The following RBFOX1 variants were observed in gnomAD, a reference collection of about 807,000 sequenced individuals.
RBFOX1 encodes the protein RNA binding protein fox-1 homolog 1.
Under a neutral mutation model 57.7 loss-of-function variants are expected in RBFOX1, and 8 were observed. The observed-to-expected ratio is 0.14, with a 90% CI of 0.08 to 0.25. The LOEUF (loss-of-function observed/expected upper bound fraction) is 0.25, where lower values mean the gene tolerates loss of function less well. Ranked by LOEUF, RBFOX1 falls within the 10% of genes least tolerant of loss-of-function variation. The pLI is 1.00. For synonymous variants in RBFOX1, 326 were observed against 222.4 expected, an observed-to-expected ratio of 1.47 and a Z score of -4.15; for missense variants, 611 against 548.5, an observed-to-expected ratio of 1.11 and a Z score of -1.14.
chr16:5,318,194 T>C (rs2064295482), intron 1 of RBFOX1, among the ~76,000 whole-genome samples: 1 of 152,182 alleles, frequency 6.6e-6, no homozygotes, highest in Non-Finnish European at 1.5e-5. Flanking sequence ...AGTGACACGA[T>C]CTCGGCTCAC....
At chr16:6,676,767 C>T (rs1157129410) in intron 3 of RBFOX1, among the ~76,000 whole-genome samples, 1 of 150,722 alleles carries the variant, frequency 6.6e-6, no homozygotes, top group East Asian at 2.0e-4. Flanking sequence ...CCTTTGCCTC[C>T]CAGGTTGAAG....
chr16:5,767,620 C>A (rs186133401), intron 3 of RBFOX1, among the ~76,000 whole-genome samples: 1 of 152,172 alleles, frequency 6.6e-6, no homozygotes, highest in African/African-American at 2.4e-5. Flanking sequence ...TCCAAGGACA[C>A]AACGGGATTT....
chr16:7,592,047 T>G (rs1373623117), intron 7 of RBFOX1, among the ~76,000 whole-genome samples: 1 of 152,014 alleles, frequency 6.6e-6, no homozygotes, highest in Non-Finnish European at 1.5e-5. Flanking sequence ...ATGCCACTTC[T>G]TGTCTGGGTG....
chr16:6,745,992 G>A (rs1478022117), intron 3 of RBFOX1, among the ~76,000 whole-genome samples: 1 of 152,118 alleles, frequency 6.6e-6, no homozygotes, highest in Non-Finnish European at 1.5e-5. Context: ...ACACAAATTG[G>A]AAATTAAAGC....
At chr16:6,619,090 C>A (rs868699751) in intron 2 of RBFOX1, among the ~76,000 whole-genome samples, 3 of 151,776 alleles carry the variant, frequency 2.0e-5, no homozygotes, top group African/African-American at 7.3e-5. Flanking sequence ...GGTTGCATAC[C>A]AATTAAAATG....
chr16:6,439,778 A>T (rs1324225487), intron 2 of RBFOX1, among the ~76,000 whole-genome samples: 1 of 152,082 alleles, frequency 6.6e-6, no homozygotes, highest in African/African-American at 2.4e-5. Flanking sequence ...TCCCTTCCCA[A>T]GCTCTGGCCT....
chr16:5,518,979 T>C (rs2043906480), intron 2 of RBFOX1, among the ~76,000 whole-genome samples: 1 of 152,110 alleles, frequency 6.6e-6, no homozygotes, highest in African/African-American at 2.4e-5. Flanking sequence ...TGGGTGGCCC[T>C]CATCCATCCT....
intron 2 of RBFOX1, among the ~76,000 whole-genome samples, chr16:6,624,633 A>G (rs562214115): frequency 2.6e-5 from 4 of 152,148 alleles, no homozygotes; most frequent in South Asian, 4.2e-4. Context: ...GTTTTATATG[A>G]AAACAAATGG....
chr16:5,458,006 T>G (rs560075654), intron 1 of RBFOX1, among the ~76,000 whole-genome samples: 1 of 152,156 alleles, frequency 6.6e-6, no homozygotes, highest in East Asian at 1.9e-4. Context: ...GCCTCCCCTC[T>G]TTGCTGTCTT....
At chr16:5,987,577 C>G (rs545990146) in intron 4 of RBFOX1, among the ~76,000 whole-genome samples, 1 of 152,150 alleles carries the variant, frequency 6.6e-6, no homozygotes, top group Admixed American at 6.5e-5. Flanking sequence ...TGGGCATGTG[C>G]CTGTTTTTCT....
intron 1 of RBFOX1, chr16:5,365,847 C>T: frequency 5.8e-6 from 3 of 516,298 alleles, no homozygotes; most frequent in Non-Finnish European, 7.7e-6. Flanking sequence ...CCAGAACTGT[C>T]TTTTCGGGTG....
chr16:7,333,908 T>C (rs2096737751), intron 4 of RBFOX1, among the ~76,000 whole-genome samples: 2 of 152,188 alleles, frequency 1.3e-5, no homozygotes, highest in Admixed American at 1.3e-4. Context: ...GGCTTTTTGT[T>C]GTTATAATTA....
chr16:7,271,769 C>G (rs1396684349), intron 4 of RBFOX1, among the ~76,000 whole-genome samples: 1 of 151,928 alleles, frequency 6.6e-6, no homozygotes, highest in Non-Finnish European at 1.5e-5. Flanking sequence ...TCTCTGTATC[C>G]ATAGCTAAGG....
At chr16:6,313,952 G>A (rs1283582499) in intron 1 of RBFOX1, among the ~76,000 whole-genome samples, 1 of 152,086 alleles carries the variant, frequency 6.6e-6, no homozygotes, top group African/African-American at 2.4e-5. Context: ...CTCAGCCTCT[G>A]TTTTTATAAA....
intron 1 of RBFOX1, among the ~76,000 whole-genome samples, chr16:6,036,216 C>T (rs1017413632): frequency 6.6e-6 from 1 of 152,160 alleles, no homozygotes; most frequent in Non-Finnish European, 1.5e-5. Flanking sequence ...CTTCTCAGCA[C>T]AGGGCATGTG....
chr16:7,053,294 AC>A (rs2050743281), intron 4 of RBFOX1, among the ~76,000 whole-genome samples: 1 of 152,086 alleles, frequency 6.6e-6, no homozygotes, highest in Non-Finnish European at 1.5e-5. Context: ...GGCCCTCTCT[AC>A]CCACTTTCCT....
At chr16:5,871,015 T>A (rs2057456475) in intron 4 of RBFOX1, among the ~76,000 whole-genome samples, 1 of 152,202 alleles carries the variant, frequency 6.6e-6, no homozygotes, top group East Asian at 1.9e-4. Flanking sequence ...TCCCTTTCTC[T>A]CTGCAGATTG....
chr16:6,386,607 A>G (rs1276725849), intron 2 of RBFOX1, among the ~76,000 whole-genome samples: 1 of 152,224 alleles, frequency 6.6e-6, no homozygotes, highest in African/African-American at 2.4e-5. Context: ...AGGTGGTAAG[A>G]TGTCTGTAAA....
At chr16:7,565,864 T>G (rs2091544190) in intron 5 of RBFOX1, among the ~76,000 whole-genome samples, 2 of 152,064 alleles carry the variant, frequency 1.3e-5, no homozygotes, top group African/African-American at 4.8e-5. Context: ...AGGCTGACTG[T>G]GGGGAGAATC....
Sources: gnomAD v4.1 joint callset for allele counts (sites outside exome capture counted in the v4.1 genomes callset) on GRCh38, gnomAD v4.1.1 for gene constraint, MANE v1.5 for transcripts, NCBI Gene and HGNC (gene_info 2026-07-23, HGNC 2026-07-21) for gene names.